The following RPS3A variants were observed in gnomAD, a reference collection of about 807,000 sequenced individuals.
RPS3A encodes the protein small ribosomal subunit protein eS1.
In RPS3A, 1 loss-of-function variant was observed where a neutral mutation model predicts 26.4. That is an observed-to-expected ratio of 0.04 (90% CI 0.01 to 0.18). RPS3A has a LOEUF of 0.18. RPS3A is among the 10% of genes least tolerant of loss of function. RPS3A has a pLI of 1.00. For synonymous variants in RPS3A, 97 were observed against 106.1 expected (o/e 0.91, Z 0.53); for missense variants, 139 against 326.8 (o/e 0.43, Z 4.43).
intron 1 of RPS3A, chr4:151,099,953 G>T: frequency 1.5e-6 from 1 of 671,758 alleles, no homozygotes; most frequent in Non-Finnish European, 2.7e-6. Flanking sequence ...TTGCCGGCGC[G>T]ACTCGGCTGG....
intron 4 of RPS3A, chr4:151,103,955 G>T: frequency 6.6e-7 from 1 of 1,525,688 alleles, no homozygotes; most frequent in East Asian, 2.5e-5. Flanking sequence ...GGACTCAGAA[G>T]ACTCTACTAA....
At chr4:151,102,394 C>T (rs879630752) in intron 3 of RPS3A, among the ~76,000 whole-genome samples, 4 of 152,122 alleles carry the variant, frequency 2.6e-5, no homozygotes, top group African/African-American at 4.8e-5. Flanking sequence ...ACATAAAAGA[C>T]GTCTTTCAAA....
chr4:151,099,683 A>G lies in RPS3A; in HGVS notation c.31A>G (p.Lys11Glu). ...GGTTGGCAAGAACAAGCGCCTTACG[A>G]AAGGCGGCAAAAAGGGAGCCAAGAA... is the stretch of plus-strand genomic sequence containing the variant. Reference protein sequence around the residue: MAVGKNKRLTKGGKKGAKKKV... With the variant: MAVGKNKRLTEGGKKGAKKKV... The change falls in exon 1 of 6, where the codon AAA (lysine) becomes GAA (glutamate). Residue 11 changes from lysine (K) to glutamate (E), a missense_variant. Transcript: ENST00000274065. The G allele has an allele frequency of 6.2e-7, 1 of 1,613,924 alleles. No individual in the cohort carries two copies. Among genetic ancestry groups the G allele is most frequent in the Non-Finnish European group, 8.5e-7 (1 of 1,179,924 alleles).
At chr4:151,099,853 A>T (rs1196409835) in intron 1 of RPS3A, 139 bp downstream of exon 1, 32 of 825,044 alleles carry the variant, frequency 3.9e-5, no homozygotes, top group East Asian at 6.9e-5. Flanking sequence ...GCACCCAGGA[A>T]CGCGGCCTGG....
chr4:151,104,030 GCTTAT>G (rs1170902492), intron 4 of RPS3A, 142 bp from the exon 5 acceptor site: 5 of 1,488,436 alleles, frequency 3.4e-6, no homozygotes, highest in Middle Eastern at 1.8e-4. Context: ...GTAAATAATG[GCTTAT>G]CTTAACAGGA....
chr4:151,104,605 C>A lies in RPS3A; in HGVS notation c.*12C>A, dbSNP rs544235450. 1.9e-5 allele frequency: 30 copies of A among 1,561,802 alleles called. No individual in the cohort carries two copies. Among genetic ancestry groups the A allele is most frequent in the Middle Eastern group, 1.7e-4 (1 of 5,976 alleles). ...AAGAATCTGTTTAAAGTTCAGACTTCAAATAGTGGCAAATAAAAAGTGCTA... is the reference window on the plus strand; with the variant it reads ...AAGAATCTGTTTAAAGTTCAGACTTAAAATAGTGGCAAATAAAAAGTGCTA... On this transcript the variant is annotated 3_prime_UTR_variant, in exon 6 of 6. Transcript: ENST00000274065.
intron 3 of RPS3A, chr4:151,102,104 A>G (rs751681804): frequency 1.9e-6 from 1 of 517,240 alleles, no homozygotes; most frequent in Non-Finnish European, 3.9e-6. Flanking sequence ...CATACTGATT[A>G]TACCATTATA....
rs1228689756 is a variant in RPS3A at position 151,099,771 on chromosome 4, C to G, written c.62+57C>G. 5 of 1,544,806 alleles carry G rather than the reference C, an allele frequency of 3.2e-6. No homozygotes were observed. The East Asian group carries it at 9.4e-5, about 29-fold the overall frequency. ...TTGGGGGTCTGCTGGAATCGGCGGG[C>G]TGGTCCTAGATCGCGGCGTAGGCCG... On this transcript the variant is annotated intron_variant, in intron 1 of 5. Coordinates refer to ENST00000274065, the MANE Select transcript of RPS3A (RefSeq NM_001006.5).
At chr4:151,101,987 C>T (rs776769029) in intron 3 of RPS3A, 4 of 489,800 alleles carry the variant, frequency 8.2e-6, no homozygotes, top group Non-Finnish European at 1.6e-5. Flanking sequence ...CCCGCCTCAG[C>T]CTCTCAAAGT....
chr4:151,099,912 T>G, intron 1 of RPS3A, 198 bp downstream of exon 1: 22 of 588,966 alleles, frequency 3.7e-5, no homozygotes, highest in Non-Finnish European at 3.8e-5. Context: ...CCAGGCCTTC[T>G]GGTCCTTGCG....
At chr4:151,102,629 G>T (rs1747178825) in intron 3 of RPS3A, 1 of 493,670 alleles carries the variant, frequency 2.0e-6, no homozygotes, top group African/African-American at 1.9e-5. Flanking sequence ...AGTGTTAATG[G>T]AGGGTAGAAA....
In RPS3A at chr4:151,099,713, G is replaced by T. The variant is rs1747027165; in HGVS notation, c.61G>T (p.Val21Leu). 2.5e-6 allele frequency: 4 copies of T among 1,612,466 alleles called. No individual in the cohort carries two copies. The highest frequency in any genetic ancestry group is 3.4e-6 in the Non-Finnish European group (4 of 1,179,308). ...CGGCAAAAAGGGAGCCAAGAAGAAA[G>T]TGTAAGTCGCGACTGTCGTGGCGTC... The part of the protein sequence containing the change: ...KGGKKGAKKK[V>L]VDPFSKKDWY... The change falls in exon 1 of 6, where the codon GTG becomes TTG. Residue 21 changes from valine (V) to leucine (L), a missense_variant and splice_region_variant. Coordinates refer to ENST00000274065, the MANE Select transcript of RPS3A (RefSeq NM_001006.5).
rs375039864 is a variant in RPS3A at position 151,104,370 on chromosome 4, T to C, written c.673+84T>C. The C allele has an allele frequency of 7.4e-5, 113 of 1,519,304 alleles. 5 individuals carry two copies. The highest frequency in any genetic ancestry group is 4.5e-4 in the East Asian group (19 of 42,674). The allele number at this position is 1,519,304 out of a possible 1,614,324, so 94.1% of individuals were successfully genotyped here. A position where few individuals can be genotyped will look rare whatever the true frequency, so the allele number is the denominator to read the frequency against. On this transcript the variant is annotated intron_variant, in intron 5 of 5. Transcript: ENST00000274065. ...GGAGTGTGGGGCCATATCATGGCCT[T>C]CTTTTTCTTCCTGTCATGCTTGCAT...
At chr4:151,104,113 A>G in intron 4 of RPS3A, 64 bp from the exon 5 acceptor site, 1 of 1,454,542 alleles carries the variant, frequency 6.9e-7, no homozygotes, top group South Asian at 1.3e-5. Flanking sequence ...CTACTTTTAA[A>G]GGAAATGGCT....
At position 151,101,168 on chromosome 4, in the gene RPS3A, A is replaced by T; in HGVS notation, c.354+6A>T. On this transcript the variant is annotated splice_donor_region_variant and intron_variant, in intron 3 of 5. Coordinates refer to ENST00000274065, the MANE Select transcript of RPS3A (RefSeq NM_001006.5). ...CCATGGTCAAAAAATGGCAGGTGAG[A>T]CCCAAAGTTCCTTAGAGTGGTTGTG... 1 of 1,593,624 alleles carries T rather than the reference A, an allele frequency of 6.3e-7. No homozygotes were observed. The highest frequency in any genetic ancestry group is 8.6e-7 in the Non-Finnish European group (1 of 1,164,476).
chr4:151,102,085 C>T (rs188570178), intron 3 of RPS3A: 2 of 518,060 alleles, frequency 3.9e-6, no homozygotes, highest in Non-Finnish European at 3.9e-6. Flanking sequence ...GTTTCAGTCC[C>T]AAATGATACA....
intron 3 of RPS3A, chr4:151,102,627 T>C (rs928043816): frequency 2.0e-6 from 1 of 489,202 alleles, no homozygotes; most frequent in African/African-American, 1.9e-5. Flanking sequence ...GTAGTGTTAA[T>C]GGAGGGTAGA....
chr4:151,104,556 C>G lies in RPS3A; in HGVS notation c.758C>G (p.Ala253Gly). ...GAGACAGGTGCTAAAGTTGAACGAG[C>G]TGATGGATATGAACCACCAGTCCAA... ...GDETGAKVER[A>G]DGYEPPVQES... Residue 253 changes from alanine to glycine, a missense_variant, in exon 6 of 6, where the codon GCT becomes GGT. This residue lies in a region of RPS3A where 96 missense variants were observed against 209.8 expected (regional missense o/e 0.46). Coordinates refer to ENST00000274065, the MANE Select transcript of RPS3A (RefSeq NM_001006.5). 2.6e-6 allele frequency: 4 copies of G among 1,565,790 alleles called. No homozygotes were observed. The highest frequency in any genetic ancestry group is 3.4e-6 in the Non-Finnish European group (4 of 1,171,280).
chr4:151,104,450 T>TTTTTTTTTTTTTTC, intron 5 of RPS3A, 22 bp from the exon 6 acceptor site: 1 of 1,397,996 alleles, frequency 7.2e-7, no homozygotes, highest in Non-Finnish European at 9.3e-7. Flanking sequence ...TTTTTTTTTT[T>TTTTTTTTTTTTTTC]TTTTTTTTTT....
Sources: gnomAD v4.1 joint callset for allele counts (sites outside exome capture counted in the v4.1 genomes callset) on GRCh38, gnomAD v4.1.1 for gene constraint, gnomAD v4.1.1 regional missense constraint, MANE v1.5 for transcripts, NCBI Gene and HGNC (gene_info 2026-07-23, HGNC 2026-07-21) for gene names.